RSPH1: variants seen among roughly 807,000 people sequenced by gnomAD.
RSPH1 encodes radial spoke head 1 homolog.
A neutral mutation model predicts 44.2 loss-of-function variants in RSPH1; 32 were observed. The observed-to-expected ratio is 0.72, with a 90% CI of 0.55 to 0.97. The LOEUF (loss-of-function observed/expected upper bound fraction) is 0.97, where lower values mean the gene tolerates loss of function less well. Ranked by LOEUF, RSPH1 falls within the 50% of genes least tolerant of loss-of-function variation. The probability of loss-of-function intolerance (pLI) is 0.00; values close to 1 mark genes in which losing one functional copy is unlikely to be tolerated. For missense variants in RSPH1, 391 were observed against 398.7 expected (o/e 0.98, Z 0.16); for synonymous variants, 134 against 147.3 (o/e 0.91, Z 0.65).
At chr21:42,491,410 C>G (rs2054234537) in intron 3 of RSPH1, among the ~76,000 whole-genome samples, 1 of 152,156 alleles carries the variant, frequency 6.6e-6, no homozygotes, top group Admixed American at 6.5e-5. Flanking sequence ...CCATTTTTAA[C>G]CTTCATATTC....
chr21:42,492,071 A>G (rs987052277), intron 3 of RSPH1, among the ~76,000 whole-genome samples: 6 of 152,190 alleles, frequency 3.9e-5, no homozygotes, highest in African/African-American at 1.4e-4. Flanking sequence ...CTTCCTAGGG[A>G]AAAAACAAAA....
chr21:42,490,577 C>G (rs1413124182), intron 3 of RSPH1, among the ~76,000 whole-genome samples: 1 of 152,172 alleles, frequency 6.6e-6, no homozygotes, highest in Non-Finnish European at 1.5e-5. Context: ...CTTTAAGATA[C>G]AAAGCCATCT....
At chr21:42,473,288 C>T (rs7276685) in intron 8 of RSPH1, among the ~76,000 whole-genome samples, 101,499 of 151,966 alleles carry the variant, frequency 0.67, 34,537 homozygotes, top group South Asian at 0.78. Context: ...GTCAGGAGTT[C>T]GAGACCAGCC....
At position 42,482,685 on chromosome 21, in the gene RSPH1, T is replaced by C. The variant is rs2054141201; in HGVS notation, c.525A>G (p.Val175=). 6.2e-7 allele frequency: 1 copy of C among 1,613,562 alleles called. No individual in the cohort carries two copies. The highest frequency in any genetic ancestry group is 8.5e-7 in the Non-Finnish European group (1 of 1,179,692). ...CATGTTGTTCACACCCAACATCAAA[T>C]ACATACTTTCCAGGGCCAACAGGCT... The part of the protein sequence containing the change: ...NKNPVGPGKY[V]FDVGCEQHGE... Residue 175 remains valine (V), a synonymous_variant, in exon 6 of 9, where the codon GTA becomes GTG. Coordinates refer to ENST00000291536, the MANE Select transcript of RSPH1 (RefSeq NM_080860.4).
Position 42,479,885 on chromosome 21 carries a change from T to C in RSPH1, c.574-2441A>G, listed in dbSNP as rs373333480. ...GAGCACCCTGCGGTCCATGAAGAATTCGTGCTCAGAGGAGGTAGGGCCTCT... is the reference window on the plus strand; with the variant it reads ...GAGCACCCTGCGGTCCATGAAGAATCCGTGCTCAGAGGAGGTAGGGCCTCT... On this transcript the variant is annotated intron_variant, in intron 6 of 8. Coordinates refer to ENST00000291536, the MANE Select transcript of RSPH1 (RefSeq NM_080860.4). 1.4e-3 allele frequency among the ~76,000 whole-genome samples: 206 copies of C among 152,300 alleles called. 4 individuals are homozygous for C. Among genetic ancestry groups the C allele is most frequent in the African/African-American group, 4.5e-3 (186 of 41,556 alleles).
At chr21:42,479,726 T>TAC (rs141751119) in intron 6 of RSPH1, among the ~76,000 whole-genome samples, 56,362 of 145,032 alleles carry the variant, frequency 0.39, 11,231 homozygotes, top group Admixed American at 0.52. Context: ...TGTAGGAGGT[T>TAC]ACACACACAC....
intron 8 of RSPH1, among the ~76,000 whole-genome samples, chr21:42,473,822 C>T (rs1472553002): frequency 1.3e-5 from 2 of 152,158 alleles, no homozygotes; most frequent in Admixed American, 6.5e-5. Context: ...TCAGCACCGT[C>T]CCCGGCCTCC....
At chr21:42,483,159 T>C (rs889592943) in intron 5 of RSPH1, among the ~76,000 whole-genome samples, 1 of 152,184 alleles carries the variant, frequency 6.6e-6, no homozygotes, top group African/African-American at 2.4e-5. Flanking sequence ...CTAATAACAG[T>C]TGCCACCTGG....
At chr21:42,476,404 T>C (rs2054051346) in intron 7 of RSPH1, among the ~76,000 whole-genome samples, 1 of 152,142 alleles carries the variant, frequency 6.6e-6, no homozygotes, top group Admixed American at 6.5e-5. Flanking sequence ...TGCCCGGCCA[T>C]TCTGGGGGCT....
At chr21:42,487,211 A>C (rs923594872) in intron 3 of RSPH1, among the ~76,000 whole-genome samples, 2 of 152,220 alleles carry the variant, frequency 1.3e-5, no homozygotes, top group African/African-American at 4.8e-5. Context: ...GATGTGGACA[A>C]CTGCAAACTA....
intron 3 of RSPH1, 120 bp from the exon 4 acceptor site, chr21:42,486,581 G>A: frequency 1.4e-6 from 1 of 720,296 alleles, no homozygotes; most frequent in African/African-American, 1.7e-5. Context: ...TGAAGCCCAT[G>A]CACACACAGG....
At chr21:42,479,809 C>T (rs868625798) in intron 6 of RSPH1, among the ~76,000 whole-genome samples, 32 of 151,896 alleles carry the variant, frequency 2.1e-4, no homozygotes, top group South Asian at 8.3e-4. Flanking sequence ...AATTCCTCTA[C>T]GTTTTGTTAG....
chr21:42,478,562 A>G (rs2054095064), intron 6 of RSPH1, among the ~76,000 whole-genome samples: 1 of 152,266 alleles, frequency 6.6e-6, no homozygotes, highest in Non-Finnish European at 1.5e-5. Flanking sequence ...CACTTTATGT[A>G]TAAAACCAAG....
intron 7 of RSPH1, among the ~76,000 whole-genome samples, chr21:42,476,835 A>G (rs552963178): frequency 5.3e-5 from 8 of 152,228 alleles, no homozygotes; most frequent in Admixed American, 3.3e-4. Context: ...CCAATCCCAA[A>G]GGCTCTCCCT....
chr21:42,493,135 T>C (rs1398109061), intron 1 of RSPH1, 56 bp from the exon 2 acceptor site: 1 of 1,414,590 alleles, frequency 7.1e-7, no homozygotes, highest in African/African-American at 1.4e-5. Context: ...GCTAACCAGG[T>C]GCTAAGCATT....
At position 42,496,149 on chromosome 21, in the gene RSPH1, CCCT is replaced by C; in HGVS notation, c.35_37del (p.Glu12del). On this transcript the variant is annotated inframe_deletion, in exon 1 of 9. Transcript: ENST00000291536. Reference sequence around the variant, plus strand: ...AGCTCTCACCCCAATATCATTCTCTCCCTCCTCCTCCAACTCCTCCGAGCCCAG... The same window carrying C: ...AGCTCTCACCCCAATATCATTCTCTCCCTCCTCCAACTCCTCCGAGCCCAG... The C allele has an allele frequency of 1.2e-6, 2 of 1,614,178 alleles. No homozygotes were observed. Among genetic ancestry groups the C allele is most frequent in the Non-Finnish European group, 8.5e-7 (1 of 1,180,016 alleles).
intron 1 of RSPH1, among the ~76,000 whole-genome samples, chr21:42,493,815 A>G (rs978594016): frequency 1.3e-5 from 2 of 152,236 alleles, no homozygotes; most frequent in African/African-American, 2.4e-5. Flanking sequence ...CAGTGGCACA[A>G]TCTCAGCTCA....
chr21:42,482,873 A>G (rs770811447), intron 5 of RSPH1, among the ~76,000 whole-genome samples, 165 bp from the exon 6 acceptor site: 2 of 152,238 alleles, frequency 1.3e-5, no homozygotes, highest in Non-Finnish European at 2.9e-5. Flanking sequence ...TGGAACTTAT[A>G]TGCCCTGTTT....
At chr21:42,484,540 T>C (rs2054159706) in intron 5 of RSPH1, 1 of 152,142 alleles carries the variant, frequency 6.6e-6, no homozygotes, top group Admixed American at 6.5e-5. Flanking sequence ...CACACAGAAA[T>C]AGTGTGGAAG....
Sources: allele counts gnomAD v4.1 joint callset (sites outside exome capture counted in the v4.1 genomes callset), GRCh38; gene constraint gnomAD v4.1.1; transcripts MANE v1.5; gene names NCBI Gene and HGNC (gene_info 2026-07-23, HGNC 2026-07-21).